AP5Z1: variants seen among roughly 807,000 people sequenced by gnomAD.
AP5Z1 encodes the protein adaptor related protein complex 5 subunit zeta 1.
In AP5Z1, 106 loss-of-function variants were observed where a neutral mutation model predicts 83.0. That is an observed-to-expected ratio of 1.28 (90% CI 1.09 to 1.50). AP5Z1 has a LOEUF of 1.50. Ranked by LOEUF, AP5Z1 falls within the 40% of genes most tolerant of loss-of-function variation. The probability of loss-of-function intolerance (pLI) is 0.00; values close to 1 mark genes in which losing one functional copy is unlikely to be tolerated. For missense variants in AP5Z1, 1,565 were observed against 1,094.2 expected, an observed-to-expected ratio of 1.43 and a Z score of -6.07; for synonymous variants, 751 against 514.1, an observed-to-expected ratio of 1.46 and a Z score of -6.23.
In AP5Z1 at chr7:4,784,388, G is replaced by A; in HGVS notation, c.790+17G>A. ...TGGACACAGGTGTGCGGGGTGGGGG[G>A]ATGACGTCAGACAGGGGTGGGAGGT... On this transcript the variant is annotated intron_variant, in intron 6 of 16. Coordinates refer to ENST00000649063, the MANE Select transcript of AP5Z1 (RefSeq NM_014855.3). 1 of 1,114,692 alleles carries A rather than the reference G, an allele frequency of 9.0e-7. No individual in the cohort carries two copies. 69.1% of individuals were successfully genotyped at this position (1,114,692 alleles called of 1,614,324 possible).
intron 16 of AP5Z1, 55 bp from the exon 17 acceptor site, chr7:4,791,060 C>A: frequency 6.6e-7 from 1 of 1,509,740 alleles, no homozygotes; most frequent in Admixed American, 2.0e-5. Context: ...TCCACACAGA[C>A]CCCTGTCCTG....
At chr7:4,780,846 G>T (rs1781361993) in intron 1 of AP5Z1, among the ~76,000 whole-genome samples, 1 of 152,314 alleles carries the variant, frequency 6.6e-6, no homozygotes, top group South Asian at 2.1e-4. Flanking sequence ...TTATTCTAGA[G>T]TAAATTTCCT....
In AP5Z1 at chr7:4,792,608, C is replaced by G. The variant is rs1038256045; in HGVS notation, c.*1223C>G. On this transcript the variant is annotated 3_prime_UTR_variant, in exon 17 of 17. Transcript: ENST00000649063. The stretch of plus-strand genomic sequence containing the variant: ...AGGAAGCGCTCGCCTGCCCCACAGC[C>G]TGGGCCTTGGGTCGCGTTCCGAGCT... The G allele has an allele frequency of 5.3e-5, 8 of 152,228 alleles. No homozygotes were observed. The highest frequency in any genetic ancestry group is 1.2e-4 in the Non-Finnish European group (8 of 68,050). 9.4% of individuals were successfully genotyped at this position (152,228 alleles called of 1,614,324 possible).
At chr7:4,778,887 A>T (rs1020598032) in intron 1 of AP5Z1, among the ~76,000 whole-genome samples, 1 of 145,618 alleles carries the variant, frequency 6.9e-6, no homozygotes, top group Non-Finnish European at 1.5e-5. Context: ...AAAAAAGAAT[A>T]AAAAAAATTC....
chr7:4,787,242 C>T (rs1781575717), intron 10 of AP5Z1, among the ~76,000 whole-genome samples: 1 of 151,972 alleles, frequency 6.6e-6, no homozygotes, highest in Non-Finnish European at 1.5e-5. Context: ...CCTGTAATCC[C>T]AGCACCTCGG....
Position 4,779,418 on chromosome 7 carries a change from CAT to C in AP5Z1, c.42-1750_42-1749del, listed in dbSNP as rs770439712. On this transcript the variant is annotated intron_variant, in intron 1 of 16. Transcript: ENST00000649063. ...TTATATATCATATATAACATGATAA[CAT>C]ATATATCATATATAACATATATAAC... is the stretch of plus-strand genomic sequence containing the variant. 3.9e-3 allele frequency among the ~76,000 whole-genome samples: 561 copies of C among 142,620 alleles called. 8 individuals are homozygous for C. Among genetic ancestry groups the C allele is most frequent in the East Asian group, 0.013 (65 of 5,072 alleles). 93.6% of individuals were successfully genotyped at this position (142,620 alleles called of 152,430 possible).
chr7:4,778,604 G>A (rs1781284899), intron 1 of AP5Z1, among the ~76,000 whole-genome samples: 1 of 151,890 alleles, frequency 6.6e-6, no homozygotes, highest in African/African-American at 2.4e-5. Context: ...GAAGGGTTTG[G>A]GTGGGTTGGA....
At chr7:4,780,697 C>T (rs925235784) in intron 1 of AP5Z1, among the ~76,000 whole-genome samples, 2 of 151,994 alleles carry the variant, frequency 1.3e-5, no homozygotes, top group African/African-American at 4.8e-5. Context: ...ACCCCGGAGG[C>T]GAAGGTTGCA....
In AP5Z1 at chr7:4,782,126, C is replaced by T. The variant is rs117353373; in HGVS notation, c.366+372C>T. On this transcript the variant is annotated intron_variant, in intron 3 of 16. Coordinates refer to ENST00000649063, the MANE Select transcript of AP5Z1 (RefSeq NM_014855.3). ...AGAGTGCCATGGAGTGATCAATGCT[C>T]ACTGCAGCCTCGACCTCCCTGGCTC... 6.6e-5 allele frequency among the ~76,000 whole-genome samples: 10 copies of T among 152,282 alleles called. No individual in the cohort carries two copies. The East Asian group carries it at 1.9e-3, about 29-fold the overall frequency.
Position 4,790,816 on chromosome 7 carries a change from C to A in AP5Z1, c.2082C>A (p.Pro694=). 6.2e-7 allele frequency: 1 copy of A among 1,609,348 alleles called. No individual in the cohort carries two copies. Reference sequence around the variant, plus strand: ...CCTCTGCTGCCCTGCCCAGGTGTCCCCCCCAGGTGGTCACCGTGCTGATGA... The same window carrying A: ...CCTCTGCTGCCCTGCCCAGGTGTCCACCCCAGGTGGTCACCGTGCTGATGA... ...CRPSAALPRC[P]PQVVTVLMTT... The change falls in exon 16 of 17, where the codon CCC becomes CCA. Residue 694 remains proline (P), a synonymous_variant. Transcript: ENST00000649063.
intron 9 of AP5Z1, among the ~76,000 whole-genome samples, chr7:4,786,003 C>T (rs1275436698): frequency 6.6e-6 from 1 of 152,188 alleles, no homozygotes; most frequent in Non-Finnish European, 1.5e-5. Flanking sequence ...GTCCCTAGCC[C>T]AGGAAACCTG....
intron 5 of AP5Z1, 133 bp downstream of exon 5, chr7:4,783,931 G>A: frequency 6.6e-6 from 7 of 1,063,252 alleles, no homozygotes; most frequent in Non-Finnish European, 9.3e-6. Context: ...TCTGCTGCGG[G>A]GCTTGGGTCA....
intron 14 of AP5Z1, 118 bp downstream of exon 14, chr7:4,790,047 C>T (rs1781704963): frequency 8.6e-7 from 1 of 1,163,384 alleles, no homozygotes; most frequent in Non-Finnish European, 1.2e-6. Flanking sequence ...GGGCCCTCAG[C>T]AGCCTCAGAC....
At chr7:4,787,560 C>A in intron 10 of AP5Z1, 74 bp from the exon 11 acceptor site, 1 of 1,508,298 alleles carries the variant, frequency 6.6e-7, no homozygotes, top group Middle Eastern at 2.1e-4. Context: ...GCTGTGGGGC[C>A]CTAGCTGGCT....
At chr7:4,784,453 G>C in intron 6 of AP5Z1, 82 bp downstream of exon 6, 1 of 1,464,276 alleles carries the variant, frequency 6.8e-7, no homozygotes, top group Non-Finnish European at 9.1e-7. Flanking sequence ...CACGGGCGGA[G>C]GTGGGGGGAC....
At position 4,790,403 on chromosome 7, in the gene AP5Z1, T is replaced by TGG; in HGVS notation, c.1806-53_1806-52dup. 1.2e-6 allele frequency: 2 copies of TGG among 1,611,412 alleles called. 1 individual carries two copies. Among genetic ancestry groups the TGG allele is most frequent in the South Asian group, 2.2e-5 (2 of 90,834 alleles). On this transcript the variant is annotated intron_variant, in intron 14 of 16. Coordinates refer to ENST00000649063, the MANE Select transcript of AP5Z1 (RefSeq NM_014855.3). Reference sequence around the variant, plus strand: ...GGTTTCTCCAGGCCCTTGGCCTGGATGGGGATGGGGTCATAGGTCTGCACA... The same window carrying TGG: ...GGTTTCTCCAGGCCCTTGGCCTGGATGGGGGGATGGGGTCATAGGTCTGCACA...
At chr7:4,789,145 T>C (rs1357406712) in intron 13 of AP5Z1, 194 bp downstream of exon 13, 5 of 545,578 alleles carry the variant, frequency 9.2e-6, no homozygotes, top group Non-Finnish European at 1.6e-5. Flanking sequence ...CCATCCCCTT[T>C]ATTCCAGCAG....
In AP5Z1 at chr7:4,792,897, CAG is replaced by C. The variant is rs992064916; in HGVS notation, c.*1517_*1518del. The C allele has an allele frequency of 1.8e-4, 28 of 152,544 alleles. 1 individual carries two copies. Among genetic ancestry groups the C allele is most frequent in the African/African-American group, 6.5e-4 (27 of 41,588 alleles). 9.4% of individuals were successfully genotyped at this position (152,544 alleles called of 1,614,324 possible). ...GCGCTGCTGGGCTCATCCCGAAGCT[CAG>C]AGAGCGTGGGGCTGCCCCTAGGCTC... On this transcript the variant is annotated 3_prime_UTR_variant, in exon 17 of 17. Transcript: ENST00000649063.
rs959920456 is a variant in AP5Z1 at position 4,787,500 on chromosome 7, C to A, written c.1312-134C>A. 3.1e-6 allele frequency: 4 copies of A among 1,300,986 alleles called. 1 individual carries two copies. The highest frequency in any genetic ancestry group is 4.1e-6 in the Non-Finnish European group (4 of 977,498). The allele number at this position is 1,300,986 out of a possible 1,614,324, so 80.6% of individuals were successfully genotyped here. A position where few individuals can be genotyped will look rare whatever the true frequency, so the allele number is the denominator to read the frequency against. Reference sequence around the variant, plus strand: ...GACCCTGTCTCAAAAAAATAAAAAGCGGGAGGAGGCAAAGGTAGAAGCCCT... The same window carrying A: ...GACCCTGTCTCAAAAAAATAAAAAGAGGGAGGAGGCAAAGGTAGAAGCCCT... On this transcript the variant is annotated intron_variant, in intron 10 of 16. Transcript: ENST00000649063.
Sources: allele counts gnomAD v4.1 joint callset (sites outside exome capture counted in the v4.1 genomes callset), GRCh38; gene constraint gnomAD v4.1.1; transcripts MANE v1.5; gene names NCBI Gene and HGNC (gene_info 2026-07-23, HGNC 2026-07-21).